BTLA: variants seen among roughly 807,000 people sequenced by gnomAD.
The protein encoded by BTLA is B- and T-lymphocyte attenuator.
Under a neutral mutation model 25.0 loss-of-function variants are expected in BTLA, and 11 were observed. The ratio of observed to expected loss-of-function variants is 0.44; its 90% CI spans 0.28 to 0.73. The LOEUF is 0.73. BTLA is among the 30% of genes least tolerant of loss of function. The probability of loss-of-function intolerance (pLI) is 0.15; values close to 1 mark genes in which losing one functional copy is unlikely to be tolerated. For missense variants in BTLA, 282 were observed against 332.8 expected, an observed-to-expected ratio of 0.85 and a Z score of 1.19; for synonymous variants, 104 against 119.8, an observed-to-expected ratio of 0.87 and a Z score of 0.86.
chr3:112,490,495 T>C (rs2082373884), intron 1 of BTLA, among the ~76,000 whole-genome samples: 1 of 151,930 alleles, frequency 6.6e-6, no homozygotes, highest in Non-Finnish European at 1.5e-5. Flanking sequence ...TCATAGACAA[T>C]ACAGATCACA....
chr3:112,478,444 T>C (rs1183457099), intron 2 of BTLA, among the ~76,000 whole-genome samples: 1 of 152,172 alleles, frequency 6.6e-6, no homozygotes, highest in East Asian at 1.9e-4. Context: ...TGCTAGTGTA[T>C]AGAAATATCA....
intron 2 of BTLA, among the ~76,000 whole-genome samples, chr3:112,472,580 G>C (rs183236737): frequency 2.6e-5 from 4 of 152,128 alleles, no homozygotes; most frequent in Admixed American, 2.6e-4. Context: ...TGTAATCCCA[G>C]GTACATGGGA....
At chr3:112,468,925 A>G (rs1479650403) in intron 4 of BTLA, among the ~76,000 whole-genome samples, 4 of 152,124 alleles carry the variant, frequency 2.6e-5, no homozygotes, top group Non-Finnish European at 5.9e-5. Context: ...TATTGGCTGT[A>G]TCGATTTTGT....
chr3:112,491,887 A>G (rs1456472451), intron 1 of BTLA, among the ~76,000 whole-genome samples: 2 of 152,206 alleles, frequency 1.3e-5, no homozygotes, highest in East Asian at 1.9e-4. Flanking sequence ...AGGCAAAAAT[A>G]TATCTATATA....
intron 2 of BTLA, among the ~76,000 whole-genome samples, chr3:112,478,307 C>T (rs2107319542): frequency 6.6e-6 from 1 of 152,158 alleles, no homozygotes; most frequent in South Asian, 2.1e-4. Context: ...TTTCTTTCAG[C>T]CATGCTTTCT....
Position 112,469,651 on chromosome 3 carries a change from T to TATATATA in BTLA, c.594+106_594+107insTATATAT, listed in dbSNP as rs57105315. On this transcript the variant is annotated intron_variant, in intron 4 of 4. Coordinates refer to ENST00000334529, the MANE Select transcript of BTLA (RefSeq NM_181780.4). The stretch of plus-strand genomic sequence containing the variant: ...TATATATATATATATATATATATAG[T>TATATATA]ACATAGAATAATGCCTGGCACATGG... 37 of 405,224 alleles carry TATATATA rather than the reference T, an allele frequency of 9.1e-5. No individual in the cohort carries two copies. The African/African-American group carries it at 1.3e-3, about 14-fold the overall frequency. 25.1% of individuals were successfully genotyped at this position (405,224 alleles called of 1,614,324 possible). A position where few individuals can be genotyped will look rare whatever the true frequency, so the allele number is the denominator to read the frequency against.
chr3:112,465,987 A>G lies in BTLA; in HGVS notation c.*121T>C. ...GGACCCTTAAGACCCAAGCACTAAC[A>G]TGAACATTTCTAAAGTAAAAATTCT... On this transcript the variant is annotated 3_prime_UTR_variant, in exon 5 of 5. Coordinates refer to ENST00000334529, the MANE Select transcript of BTLA (RefSeq NM_181780.4). 3 of 1,180,004 alleles carry G rather than the reference A, an allele frequency of 2.5e-6. No individual in the cohort carries two copies. Among genetic ancestry groups the G allele is most frequent in the South Asian group, 1.8e-5 (1 of 54,976 alleles). The allele number at this position is 1,180,004 out of a possible 1,614,324, so 73.1% of individuals were successfully genotyped here. A position where few individuals can be genotyped will look rare whatever the true frequency, so the allele number is the denominator to read the frequency against.
rs2082227501 is a variant in BTLA at position 112,466,391 on chromosome 3, A to G, written c.595-8T>C. The G allele has an allele frequency of 3.9e-6, 6 of 1,555,708 alleles. No homozygotes were observed. Among genetic ancestry groups the G allele is most frequent in the Non-Finnish European group, 5.2e-6 (6 of 1,148,774 alleles). On this transcript the variant is annotated splice_polypyrimidine_tract_variant and splice_region_variant and intron_variant, in intron 4 of 4. Transcript: ENST00000334529. ...CTTAAGGTGAGCATCAACCTACAAT[A>G]GAAAAAAAGATGGTTTTAAGTGACA...
rs2082220634 is a variant in BTLA at position 112,465,537 on chromosome 3, T to C, written c.*571A>G. 2 of 152,664 alleles carry C rather than the reference T, an allele frequency of 1.3e-5. No individual in the cohort carries two copies. The highest frequency in any genetic ancestry group is 1.5e-5 in the Non-Finnish European group (1 of 68,040). 9.5% of individuals were successfully genotyped at this position (152,664 alleles called of 1,614,324 possible). ...CCCTATATCCAATTGGTATATTCTA[T>C]ATTTTTATTGCACCATTTATTATTT... On this transcript the variant is annotated 3_prime_UTR_variant, in exon 5 of 5. Coordinates refer to ENST00000334529, the MANE Select transcript of BTLA (RefSeq NM_181780.4).
chr3:112,489,396 A>G (rs1015207526), intron 1 of BTLA, among the ~76,000 whole-genome samples: 3 of 152,244 alleles, frequency 2.0e-5, no homozygotes, highest in Non-Finnish European at 2.9e-5. Context: ...TTTATAAAAT[A>G]TCATTATTTC....
At chr3:112,467,291 A>ATATCT (rs1553729984) in intron 4 of BTLA, among the ~76,000 whole-genome samples, 1 of 152,182 alleles carries the variant, frequency 6.6e-6, no homozygotes, top group Non-Finnish European at 1.5e-5. Flanking sequence ...ATATAGCCAA[A>ATATCT]TATCTTAGAG....
intron 2 of BTLA, 134 bp downstream of exon 2, chr3:112,479,321 T>C: frequency 1.2e-6 from 1 of 801,296 alleles, no homozygotes; most frequent in Non-Finnish European, 2.0e-6. Context: ...CACATAACAA[T>C]CTGTGAGGTG....
At position 112,492,589 on chromosome 3, in the gene BTLA, T is replaced by C. The variant is rs62262438; in HGVS notation, c.88+6682A>G. The stretch of plus-strand genomic sequence containing the variant: ...AGTCCATCTCTACTTTCTTCCCAGA[T>C]ACTTCCTCACATCTCTAATACATTC... On this transcript the variant is annotated intron_variant, in intron 1 of 4. Transcript: ENST00000334529. Among the ~76,000 whole-genome samples, 776 of 152,360 alleles carry C rather than the reference T, an allele frequency of 5.1e-3. 10 individuals are homozygous for C. The highest frequency in any genetic ancestry group is 0.012 in the Admixed American group (184 of 15,302).
chr3:112,473,207 G>A (rs2082272137), intron 2 of BTLA, among the ~76,000 whole-genome samples: 1 of 151,714 alleles, frequency 6.6e-6, no homozygotes, highest in Non-Finnish European at 1.5e-5. Context: ...ACTCTCACGT[G>A]TCCAAAACCA....
At chr3:112,496,724 C>T (rs1576695394) in intron 1 of BTLA, among the ~76,000 whole-genome samples, 1 of 152,122 alleles carries the variant, frequency 6.6e-6, no homozygotes, top group South Asian at 2.1e-4. Context: ...TCCATTATAT[C>T]AACTGGTATA....
At chr3:112,467,583 G>T (rs1170276084) in intron 4 of BTLA, among the ~76,000 whole-genome samples, 1 of 152,228 alleles carries the variant, frequency 6.6e-6, no homozygotes, top group East Asian at 1.9e-4. Context: ...GATGTGTGCA[G>T]TAGGATGTCT....
At chr3:112,498,226 G>GCCCCAA (rs2082420697) in intron 1 of BTLA, among the ~76,000 whole-genome samples, 1 of 151,714 alleles carries the variant, frequency 6.6e-6, no homozygotes, top group Non-Finnish European at 1.5e-5. Flanking sequence ...GATAATTGGG[G>GCCCCAA]TTATCCAACA....
intron 1 of BTLA, among the ~76,000 whole-genome samples, chr3:112,486,009 C>T (rs144412717): frequency 0.016 from 2,368 of 152,220 alleles, 61 homozygotes; most frequent in African/African-American, 0.053. Flanking sequence ...CCCAGCTGCT[C>T]GGCAGACTGA....
chr3:112,494,056 G>C (rs999369794), intron 1 of BTLA, among the ~76,000 whole-genome samples: 1 of 152,282 alleles, frequency 6.6e-6, no homozygotes, highest in East Asian at 1.9e-4. Flanking sequence ...CTTGCAGTGA[G>C]CGGAGATTGC....
Sources: allele counts gnomAD v4.1 joint callset (sites outside exome capture counted in the v4.1 genomes callset), GRCh38; gene constraint gnomAD v4.1.1; transcripts MANE v1.5; gene names NCBI Gene and HGNC (gene_info 2026-07-23, HGNC 2026-07-21).